MANBA: variants seen among roughly 807,000 people sequenced by gnomAD.
MANBA encodes the protein beta-mannosidase.
In MANBA, 83 loss-of-function variants were observed where a neutral mutation model predicts 111.1. That is an observed-to-expected ratio of 0.75 (90% CI 0.63 to 0.90). The LOEUF is 0.90. MANBA is among the 40% of genes least tolerant of loss of function. The probability of loss-of-function intolerance (pLI) is 0.00; values close to 1 mark genes in which losing one functional copy is unlikely to be tolerated. For missense variants in MANBA, 1,036 were observed against 1,069.0 expected (o/e 0.97, Z 0.43); for synonymous variants, 370 against 378.7 (o/e 0.98, Z 0.27).
chr4:102,673,932 C>T lies in MANBA; in HGVS notation c.1099G>A (p.Val367Ile). The change falls in exon 8 of 17, where the codon GTA becomes ATA. Residue 367 changes from valine (V) to isoleucine (I), a missense_variant. Transcript: ENST00000647097. Reference protein sequence around the residue: ...WIPADSFQDRVTSELLRLLLQ... With the variant: ...WIPADSFQDRITSELLRLLLQ... ...ACAATAACTTACAACTCAGAGGTTA[C>T]TCGGTCCTGGAATGAATCTGCTGGG... The T allele has an allele frequency of 1.2e-6, 2 of 1,610,866 alleles. No individual in the cohort carries two copies. The highest frequency in any genetic ancestry group is 1.3e-5 in the African/African-American group (1 of 74,974).
intron 1 of MANBA, chr4:102,730,260 C>G (rs1429121366): frequency 5.3e-6 from 3 of 564,120 alleles, no homozygotes; most frequent in Non-Finnish European, 9.4e-6. Context: ...TTTCAGTTAA[C>G]TTTACCACAT....
chr4:102,691,338 G>C (rs1338762371), intron 5 of MANBA, among the ~76,000 whole-genome samples: 1 of 151,970 alleles, frequency 6.6e-6, no homozygotes, highest in African/African-American at 2.4e-5. Context: ...ATTAAATGGT[G>C]ACCAGGATAA....
chr4:102,646,562 T>C lies in MANBA; in HGVS notation c.1869+3975A>G, dbSNP rs28706134. ...TAAACAAAAGCACTAGAAAAGGCTG[T>C]AAGCTAAGGGCTTGGTAATTAATGT... On this transcript the variant is annotated intron_variant, in intron 13 of 16. Transcript: ENST00000647097. Among the ~76,000 whole-genome samples, 806 of 152,266 alleles carry C rather than the reference T, an allele frequency of 5.3e-3. 6 individuals carry two copies. Among genetic ancestry groups the C allele is most frequent in the African/African-American group, 0.019 (775 of 41,574 alleles).
intron 16 of MANBA, chr4:102,633,304 C>A (rs915146093): frequency 4.3e-5 from 17 of 398,512 alleles, no homozygotes; most frequent in Non-Finnish European, 6.6e-5. Context: ...AAGGTTCATG[C>A]GGCTCATGCC....
At position 102,650,679 on chromosome 4, in the gene MANBA, G is replaced by A. The variant is rs1308105243; in HGVS notation, c.1727C>T (p.Ser576Phe). The A allele has an allele frequency of 1.2e-6, 2 of 1,613,120 alleles. No individual in the cohort carries two copies. Among genetic ancestry groups the A allele is most frequent in the Non-Finnish European group, 1.7e-6 (2 of 1,179,202 alleles). Residue 576 changes from serine to phenylalanine, a missense_variant, in exon 13 of 17, where the codon TCT becomes TTT. Coordinates refer to ENST00000647097, the MANE Select transcript of MANBA (RefSeq NM_005908.4). ...LEKVSSTEDW[S>F]FNSKFSLHRQ... is the part of the protein sequence containing the mutation. ...ATGAAGTGAAAACTTGCTATTGAAA[G>A]ACCAGTCCTCTGTAGACGAGACCTT...
At chr4:102,671,614 T>C (rs996954911) in intron 8 of MANBA, among the ~76,000 whole-genome samples, 12 of 152,224 alleles carry the variant, frequency 7.9e-5, no homozygotes, top group Non-Finnish European at 1.3e-4. Flanking sequence ...TCTTTACCTA[T>C]TAAATTTTCA....
At chr4:102,736,151 A>G (rs1286837533) in intron 1 of MANBA, among the ~76,000 whole-genome samples, 1 of 152,206 alleles carries the variant, frequency 6.6e-6, no homozygotes, top group Non-Finnish European at 1.5e-5. Context: ...GTGGTGGAGG[A>G]CTGACTCAGA....
chr4:102,649,214 AT>A (rs997441716), intron 13 of MANBA, among the ~76,000 whole-genome samples: 16 of 152,274 alleles, frequency 1.1e-4, no homozygotes, highest in Admixed American at 3.3e-4. Flanking sequence ...TGCTATGAAC[AT>A]TATTTGAGAT....
chr4:102,667,471 A>G (rs1731277256), intron 10 of MANBA: 1 of 152,204 alleles, frequency 6.6e-6, no homozygotes, highest in Admixed American at 6.5e-5. Context: ...AAAAAGAAAA[A>G]TCTTGAAAGA....
At chr4:102,746,695 G>A (rs369395928) in intron 1 of MANBA, among the ~76,000 whole-genome samples, 15 of 152,270 alleles carry the variant, frequency 9.9e-5, no homozygotes, top group South Asian at 4.1e-4. Context: ...TTCTTAGGCC[G>A]GGCACTGTGG....
chr4:102,637,752 G>A (rs1054954138), intron 14 of MANBA, among the ~76,000 whole-genome samples: 3 of 152,186 alleles, frequency 2.0e-5, no homozygotes, highest in East Asian at 1.9e-4. Context: ...TCATACGGCT[G>A]TTTATTTGTG....
At chr4:102,649,440 A>C (rs1384718247) in intron 13 of MANBA, among the ~76,000 whole-genome samples, 1 of 152,188 alleles carries the variant, frequency 6.6e-6, no homozygotes, top group Non-Finnish European at 1.5e-5. Context: ...TTTTAATTTT[A>C]GCCATTCTGC....
intron 3 of MANBA, 53 bp from the exon 4 acceptor site, chr4:102,723,094 T>A (rs1722653207): frequency 6.5e-6 from 10 of 1,534,674 alleles, no homozygotes; most frequent in Non-Finnish European, 7.2e-6. Context: ...TAGTCTTGTG[T>A]GTAAAATTTT....
At chr4:102,689,782 T>C in intron 6 of MANBA, 98 bp from the exon 7 acceptor site, 2 of 753,284 alleles carry the variant, frequency 2.7e-6, no homozygotes, top group South Asian at 1.4e-5. Flanking sequence ...AGTACAAAAC[T>C]CTAGGTTCTA....
chr4:102,718,930 T>G (rs1001776359), intron 4 of MANBA, among the ~76,000 whole-genome samples: 1 of 152,162 alleles, frequency 6.6e-6, no homozygotes, highest in Non-Finnish European at 1.5e-5. Context: ...AAAGATCACA[T>G]GCTTCAAAGG....
chr4:102,750,031 G>T (rs1340331873), intron 1 of MANBA, among the ~76,000 whole-genome samples: 6 of 152,046 alleles, frequency 3.9e-5, no homozygotes, highest in Non-Finnish European at 8.8e-5. Context: ...TTAAATGAGG[G>T]CTTAAAAACC....
intron 16 of MANBA, among the ~76,000 whole-genome samples, chr4:102,634,385 A>G (rs1729519875): frequency 6.6e-6 from 1 of 152,186 alleles, no homozygotes; most frequent in Non-Finnish European, 1.5e-5. Flanking sequence ...TTAACCTCCT[A>G]AACTGGCTTC....
chr4:102,723,475 A>G (rs988381551), intron 3 of MANBA, among the ~76,000 whole-genome samples: 1 of 152,206 alleles, frequency 6.6e-6, no homozygotes, highest in African/African-American at 2.4e-5. Flanking sequence ...TGAAAAGTCT[A>G]CCTTTGAAAG....
chr4:102,744,943 G>T (rs1723536961), intron 1 of MANBA, among the ~76,000 whole-genome samples: 1 of 152,164 alleles, frequency 6.6e-6, no homozygotes, highest in Admixed American at 6.5e-5. Flanking sequence ...CCAGTGTGGG[G>T]GTTTGGCTAC....
Sources: gnomAD v4.1 joint callset for allele counts (sites outside exome capture counted in the v4.1 genomes callset) on GRCh38, gnomAD v4.1.1 for gene constraint, MANE v1.5 for transcripts, NCBI Gene and HGNC (gene_info 2026-07-23, HGNC 2026-07-21) for gene names.